Variants in UBAP2 observed in about 807,000 individuals in gnomAD.
The protein encoded by UBAP2 is ubiquitin-associated protein 2.
UBAP2 carries 75 observed loss-of-function variants against 139.6 expected under a neutral mutation model. The ratio of observed to expected loss-of-function variants is 0.54; its 90% CI spans 0.45 to 0.65. The LOEUF is 0.65. UBAP2 is among the 30% of genes least tolerant of loss of function. UBAP2 has a pLI of 0.00. For missense variants in UBAP2, 1,368 were observed against 1,369.6 expected (o/e 1.00, Z 0.02); for synonymous variants, 526 against 526.2 (o/e 1.00, Z 0.01).
At chr9:34,039,975 T>C (rs1440710984) in intron 1 of UBAP2, among the ~76,000 whole-genome samples, 4 of 149,626 alleles carry the variant, frequency 2.7e-5, no homozygotes, top group African/African-American at 9.9e-5. Flanking sequence ...CTGATGAACA[T>C]GGAGAAACCC....
At chr9:33,939,135 G>A (rs546545385) in intron 16 of UBAP2, among the ~76,000 whole-genome samples, 16 of 149,644 alleles carry the variant, frequency 1.1e-4, no homozygotes, top group Non-Finnish European at 2.2e-4. Context: ...ATTAGAGGTA[G>A]AGTGGCATAA....
intron 4 of UBAP2, among the ~76,000 whole-genome samples, chr9:33,991,793 T>C (rs189651779): frequency 2.0e-5 from 3 of 152,264 alleles, no homozygotes; most frequent in Admixed American, 1.3e-4. Flanking sequence ...ATACAAAAAG[T>C]AAATTCCAGA....
At chr9:34,042,526 A>C (rs1827191713) in intron 1 of UBAP2, among the ~76,000 whole-genome samples, 1 of 150,798 alleles carries the variant, frequency 6.6e-6, no homozygotes, top group African/African-American at 2.4e-5. Context: ...AGTGACTCAT[A>C]CCTATAATCC....
chr9:33,958,125 C>G (rs1369574473), intron 10 of UBAP2, among the ~76,000 whole-genome samples: 3 of 152,038 alleles, frequency 2.0e-5, no homozygotes, highest in South Asian at 4.1e-4. Context: ...TCACACACAG[C>G]TATTTTAAAA....
chr9:34,035,671 C>G (rs1826301214), intron 1 of UBAP2, among the ~76,000 whole-genome samples: 2 of 150,356 alleles, frequency 1.3e-5, no homozygotes, highest in South Asian at 4.2e-4. Context: ...GGATATAAAG[C>G]GAGACTCCAT....
At chr9:33,936,352 T>C (rs1824514208) in intron 16 of UBAP2, among the ~76,000 whole-genome samples, 1 of 152,074 alleles carries the variant, frequency 6.6e-6, no homozygotes. Context: ...TGGAGTGCAA[T>C]GGCGCATCTT....
intron 2 of UBAP2, among the ~76,000 whole-genome samples, chr9:33,999,984 G>T (rs183056802): frequency 6.1e-4 from 93 of 151,982 alleles, no homozygotes; most frequent in African/African-American, 2.1e-3. Context: ...GTCTCACTCT[G>T]TCGCCCAGGC....
At chr9:34,039,152 A>G (rs1183096826) in intron 1 of UBAP2, among the ~76,000 whole-genome samples, 2 of 149,166 alleles carry the variant, frequency 1.3e-5, no homozygotes, top group Non-Finnish European at 3.0e-5. Context: ...GGTGGGGGGC[A>G]GCCTCCGCCC....
chr9:34,007,831 C>T (rs1310661726), intron 2 of UBAP2, among the ~76,000 whole-genome samples: 2 of 151,664 alleles, frequency 1.3e-5, no homozygotes, highest in South Asian at 4.2e-4. Context: ...ATAATAGAGT[C>T]GGGGTTTCAC....
At chr9:34,044,426 G>A (rs1024047374) in intron 1 of UBAP2, among the ~76,000 whole-genome samples, 9 of 151,596 alleles carry the variant, frequency 5.9e-5, no homozygotes, top group African/African-American at 2.2e-4. Flanking sequence ...TTAGCTGGGC[G>A]TGGTGATGCA....
intron 2 of UBAP2, among the ~76,000 whole-genome samples, chr9:34,002,377 C>CTTTTT (rs33995709): frequency 9.2e-6 from 1 of 108,512 alleles, no homozygotes. Context: ...TGCATAGGTG[C>CTTTTT]TTTTTTTTTT....
At chr9:33,949,137 A>G (rs1587545929) in intron 12 of UBAP2, among the ~76,000 whole-genome samples, 1 of 150,098 alleles carries the variant, frequency 6.7e-6, no homozygotes, top group Non-Finnish European at 1.5e-5. Flanking sequence ...ACTGCACTAC[A>G]GCCTGGGCGA....
intron 6 of UBAP2, among the ~76,000 whole-genome samples, chr9:33,984,899 C>T (rs1264906894): frequency 6.6e-6 from 1 of 152,116 alleles, no homozygotes; most frequent in Admixed American, 6.6e-5. Context: ...TGCCTGAACC[C>T]AGGAGTTCAA....
chr9:34,041,849 C>T (rs1348747129), intron 1 of UBAP2, among the ~76,000 whole-genome samples: 3 of 151,914 alleles, frequency 2.0e-5, no homozygotes, highest in Admixed American at 6.6e-5. Context: ...CACAAGGAAA[C>T]CCCGTCTCTA....
intron 2 of UBAP2, 132 bp downstream of exon 2, chr9:34,016,917 TA>T (rs1404503023): frequency 1.5e-6 from 1 of 667,810 alleles, no homozygotes; most frequent in East Asian, 2.9e-5. Context: ...AGGAAAACAT[TA>T]AATCATATGC....
At chr9:33,955,542 A>C (rs1194277702) in intron 11 of UBAP2, among the ~76,000 whole-genome samples, 1 of 148,118 alleles carries the variant, frequency 6.8e-6, no homozygotes, top group Non-Finnish European at 1.5e-5. Context: ...CAAAACAAAA[A>C]AAAGGGCCAG....
chr9:34,040,700 A>G (rs955745050), intron 1 of UBAP2, among the ~76,000 whole-genome samples: 1 of 152,210 alleles, frequency 6.6e-6, no homozygotes, highest in African/African-American at 2.4e-5. Flanking sequence ...AGGCAACATA[A>G]AATGTTGGCA....
At chr9:34,038,841 C>T (rs1376934663) in intron 1 of UBAP2, among the ~76,000 whole-genome samples, 1 of 151,476 alleles carries the variant, frequency 6.6e-6, no homozygotes, top group African/African-American at 2.4e-5. Context: ...AAGTGAGGAG[C>T]GTCTCTGCCC....
intron 1 of UBAP2, among the ~76,000 whole-genome samples, chr9:34,034,870 C>CA (rs1275326305): frequency 3.9e-4 from 14 of 35,470 alleles, no homozygotes; most frequent in East Asian, 9.8e-4. Context: ...GACTCAATCT[C>CA]AAAACAAACA....
Sources: gnomAD v4.1 joint callset for allele counts (sites outside exome capture counted in the v4.1 genomes callset) on GRCh38, gnomAD v4.1.1 for gene constraint, MANE v1.5 for transcripts, NCBI Gene and HGNC (gene_info 2026-07-23, HGNC 2026-07-21) for gene names.